The following TMEM163 variants were observed in gnomAD, a reference collection of about 807,000 sequenced individuals.
The protein encoded by TMEM163 is transmembrane protein 163.
A neutral mutation model predicts 29.3 loss-of-function variants in TMEM163; 17 were observed. The observed-to-expected ratio is 0.58, with a 90% CI of 0.40 to 0.87. TMEM163 has a LOEUF of 0.87. Ranked by LOEUF, TMEM163 falls within the 40% of genes least tolerant of loss-of-function variation. The pLI is 0.00. For missense variants in TMEM163, 303 were observed against 381.5 expected (o/e 0.79, Z 1.71); for synonymous variants, 157 against 160.6 (o/e 0.98, Z 0.17).
At chr2:134,574,712 T>C (rs973033346) in intron 2 of TMEM163, among the ~76,000 whole-genome samples, 1 of 152,174 alleles carries the variant, frequency 6.6e-6, no homozygotes, top group East Asian at 1.9e-4. Flanking sequence ...GAAGACCAAA[T>C]GGGACGGTTA....
intron 4 of TMEM163, among the ~76,000 whole-genome samples, chr2:134,544,395 G>GT (rs1680736479): frequency 6.6e-6 from 1 of 152,034 alleles, no homozygotes; most frequent in Non-Finnish European, 1.5e-5. Context: ...ACTTTCATCT[G>GT]TTTTTTGAAA....
intron 2 of TMEM163, among the ~76,000 whole-genome samples, chr2:134,684,359 C>G (rs773477631): frequency 6.6e-6 from 1 of 152,094 alleles, no homozygotes; most frequent in Non-Finnish European, 1.5e-5. Flanking sequence ...TGAGCCCCAG[C>G]TAAAACCACA....
At chr2:134,486,814 T>C (rs967452041) in intron 5 of TMEM163, among the ~76,000 whole-genome samples, 43 of 152,102 alleles carry the variant, frequency 2.8e-4, no homozygotes, top group African/African-American at 1.0e-3. Flanking sequence ...CCAAACAAAA[T>C]AGTAGGTTGA....
At chr2:134,682,954 C>T (rs1409943461) in intron 2 of TMEM163, among the ~76,000 whole-genome samples, 1 of 152,096 alleles carries the variant, frequency 6.6e-6, no homozygotes, top group Non-Finnish European at 1.5e-5. Context: ...AATGAGCTAT[C>T]AAGCCAGGAA....
intron 2 of TMEM163, among the ~76,000 whole-genome samples, chr2:134,688,441 C>T (rs1175142031): frequency 1.3e-5 from 2 of 152,214 alleles, no homozygotes; most frequent in Non-Finnish European, 2.9e-5. Context: ...TAGAAATAAT[C>T]TCTCTAGTCC....
chr2:134,685,153 C>T (rs1277731790), intron 2 of TMEM163, among the ~76,000 whole-genome samples: 4 of 152,170 alleles, frequency 2.6e-5, no homozygotes, highest in Non-Finnish European at 4.4e-5. Flanking sequence ...AAGGGTCAAA[C>T]AGTATTAACG....
At chr2:134,499,462 C>T (rs929891107) in intron 5 of TMEM163, among the ~76,000 whole-genome samples, 2 of 152,198 alleles carry the variant, frequency 1.3e-5, no homozygotes, top group African/African-American at 4.8e-5. Context: ...GCCATTTGCC[C>T]ACACAGCCCT....
intron 2 of TMEM163, among the ~76,000 whole-genome samples, chr2:134,608,866 A>AAGG (rs1290440413): frequency 3.9e-5 from 2 of 51,644 alleles, no homozygotes; most frequent in African/African-American, 2.5e-4. Flanking sequence ...TGCTGGTGAA[A>AAGG]AGGACAGACC....
intron 6 of TMEM163, among the ~76,000 whole-genome samples, chr2:134,464,045 C>A (rs1250984418): frequency 6.6e-6 from 1 of 152,196 alleles, no homozygotes; most frequent in East Asian, 1.9e-4. Flanking sequence ...GGTAGTCAAT[C>A]CTCTCGCCAT....
At chr2:134,558,204 T>C (rs1355421225) in intron 2 of TMEM163, among the ~76,000 whole-genome samples, 1 of 152,124 alleles carries the variant, frequency 6.6e-6, no homozygotes, top group East Asian at 1.9e-4. Context: ...CCTACATCAG[T>C]GGTTTGTTAA....
At chr2:134,526,725 C>T (rs1406682762) in intron 4 of TMEM163, among the ~76,000 whole-genome samples, 1 of 152,130 alleles carries the variant, frequency 6.6e-6, no homozygotes, top group Non-Finnish European at 1.5e-5. Context: ...AATAGCCCGG[C>T]AATGCAGTGC....
intron 2 of TMEM163, among the ~76,000 whole-genome samples, chr2:134,700,998 G>C (rs1684691170): frequency 6.7e-6 from 1 of 148,720 alleles, no homozygotes; most frequent in Admixed American, 6.7e-5. Context: ...AAATGGAAGA[G>C]ACCCCTCCAG....
intron 2 of TMEM163, among the ~76,000 whole-genome samples, chr2:134,556,760 G>T (rs1681057720): frequency 6.6e-6 from 1 of 152,204 alleles, no homozygotes; most frequent in Non-Finnish European, 1.5e-5. Flanking sequence ...GGTAGAGGTT[G>T]CAATGAGCCA....
intron 4 of TMEM163, among the ~76,000 whole-genome samples, chr2:134,547,582 C>A (rs1311127947): frequency 6.6e-6 from 1 of 152,212 alleles, no homozygotes; most frequent in East Asian, 1.9e-4. Context: ...AGGCAAATAT[C>A]AGCTTCTCAG....
chr2:134,555,943 C>T (rs962546556), intron 2 of TMEM163, among the ~76,000 whole-genome samples: 1 of 152,114 alleles, frequency 6.6e-6, no homozygotes, highest in Admixed American at 6.5e-5. Context: ...TGTCCCATGT[C>T]CAGAGTTAAT....
intron 2 of TMEM163, among the ~76,000 whole-genome samples, chr2:134,561,844 G>A (rs1681190179): frequency 6.6e-6 from 1 of 152,184 alleles, no homozygotes; most frequent in African/African-American, 2.4e-5. Context: ...ACCAACAAGT[G>A]CTTACTGAGC....
intron 5 of TMEM163, among the ~76,000 whole-genome samples, chr2:134,477,414 G>A (rs1482027724): frequency 6.6e-6 from 1 of 152,210 alleles, no homozygotes; most frequent in Non-Finnish European, 1.5e-5. Context: ...TACATGATGT[G>A]CAGGGTGGAA....
intron 1 of TMEM163, among the ~76,000 whole-genome samples, chr2:134,717,753 T>C (rs566800467): frequency 6.6e-6 from 1 of 152,278 alleles, no homozygotes; most frequent in South Asian, 2.1e-4. Flanking sequence ...ACAGATTCGT[T>C]CTGAGGGGGA....
At chr2:134,532,957 A>C (rs1444053040) in intron 4 of TMEM163, among the ~76,000 whole-genome samples, 2 of 152,178 alleles carry the variant, frequency 1.3e-5, no homozygotes, top group African/African-American at 4.8e-5. Flanking sequence ...CTTACCAACA[A>C]ACCAGCCTTC....
Sources: allele counts gnomAD v4.1 joint callset (sites outside exome capture counted in the v4.1 genomes callset), GRCh38; gene constraint gnomAD v4.1.1; transcripts MANE v1.5; gene names NCBI Gene and HGNC (gene_info 2026-07-23, HGNC 2026-07-21).